SYNDIG1: variants seen among roughly 807,000 people sequenced by gnomAD.
The protein encoded by SYNDIG1 is synapse differentiation-inducing gene protein 1.
In SYNDIG1, 9 loss-of-function variants were observed where a neutral mutation model predicts 19.4. That is an observed-to-expected ratio of 0.46 (90% CI 0.28 to 0.81). The LOEUF is 0.81. Ranked by LOEUF, SYNDIG1 falls within the 30% of genes least tolerant of loss-of-function variation. The pLI is 0.12. For missense variants in SYNDIG1, 311 were observed against 343.3 expected (o/e 0.91, Z 0.74); for synonymous variants, 141 against 145.9 (o/e 0.97, Z 0.24).
intron 3 of SYNDIG1, among the ~76,000 whole-genome samples, chr20:24,586,384 C>T (rs1446757393): frequency 2.0e-5 from 3 of 152,192 alleles, no homozygotes; most frequent in Non-Finnish European, 1.5e-5. Flanking sequence ...GGTGGGAAGC[C>T]TGACTCCTGG....
At position 24,551,006 on chromosome 20, in the gene SYNDIG1, A is replaced by G. The variant is rs73902586; in HGVS notation, c.480+7429A>G. 3.2e-3 allele frequency among the ~76,000 whole-genome samples: 494 copies of G among 152,280 alleles called. 4 individuals are homozygous for G. Among genetic ancestry groups the G allele is most frequent in the African/African-American group, 0.011 (467 of 41,560 alleles). On this transcript the variant is annotated intron_variant, in intron 2 of 3. Coordinates refer to ENST00000376862, the MANE Select transcript of SYNDIG1 (RefSeq NM_024893.3). ...CCATCTTTTCTGGGCTCTAGTATGAAGGTAATATTGGCTGCATAGAATAAG... is the reference window on the plus strand; with the variant it reads ...CCATCTTTTCTGGGCTCTAGTATGAGGGTAATATTGGCTGCATAGAATAAG...
Position 24,658,707 on chromosome 20 carries a change from CA to C in SYNDIG1, c.619-6636del, listed in dbSNP as rs1322707377. ...TTTCCCAGGGGCCTGGGAAAGCCCACAAAGTGCACAGCCCGGCAACGCCCAG... is the reference window on the plus strand; with the variant it reads ...TTTCCCAGGGGCCTGGGAAAGCCCACAAGTGCACAGCCCGGCAACGCCCAG... On this transcript the variant is annotated intron_variant, in intron 3 of 3. Coordinates refer to ENST00000376862, the MANE Select transcript of SYNDIG1 (RefSeq NM_024893.3). This position sits in a 1 kb window ranked among gnomAD's most constrained non-coding sequence, Gnocchi z 4.4. Among the ~76,000 whole-genome samples, 1 of 151,724 alleles carries C rather than the reference CA, an allele frequency of 6.6e-6. No individual in the cohort carries two copies. Among genetic ancestry groups the C allele is most frequent in the Non-Finnish European group, 1.5e-5 (1 of 67,928 alleles).
chr20:24,479,167 G>A (rs2055721169), intron 1 of SYNDIG1, among the ~76,000 whole-genome samples: 1 of 152,192 alleles, frequency 6.6e-6, no homozygotes, highest in Non-Finnish European at 1.5e-5. Context: ...GATGCAAATT[G>A]CTTCTTGGGG....
intron 2 of SYNDIG1, among the ~76,000 whole-genome samples, chr20:24,553,977 T>G (rs4815275): frequency 0.52 from 78,433 of 152,008 alleles, 20,400 homozygotes; most frequent in East Asian, 0.61. Context: ...TATCCTCTTT[T>G]ATTTCATTGA....
chr20:24,547,447 T>A (rs1479343670), intron 2 of SYNDIG1, among the ~76,000 whole-genome samples: 1 of 152,198 alleles, frequency 6.6e-6, no homozygotes, highest in Non-Finnish European at 1.5e-5. Context: ...TTATGATCTG[T>A]CCTGCTCCAC....
chr20:24,644,987 C>G (rs1407221851), intron 3 of SYNDIG1, among the ~76,000 whole-genome samples: 1 of 152,216 alleles, frequency 6.6e-6, no homozygotes, highest in East Asian at 1.9e-4. Context: ...GAGAAGGAAA[C>G]TTGTAGAAAG....
chr20:24,637,781 G>A (rs1195012769), intron 3 of SYNDIG1, among the ~76,000 whole-genome samples: 1 of 152,238 alleles, frequency 6.6e-6, no homozygotes, highest in Non-Finnish European at 1.5e-5. Flanking sequence ...GCAGGGCAGA[G>A]GCAGTGGGCT....
At position 24,492,065 on chromosome 20, in the gene SYNDIG1, C is replaced by T. The variant is rs181305126; in HGVS notation, c.-79+22312C>T. On this transcript the variant is annotated intron_variant, in intron 1 of 3. Transcript: ENST00000376862. Reference sequence around the variant, plus strand: ...CTGAGAGGACCCCACTAACAGGTGACCCAGGCAAGAGGCCCCCGGCCGGCT... The same window carrying T: ...CTGAGAGGACCCCACTAACAGGTGATCCAGGCAAGAGGCCCCCGGCCGGCT... Among the ~76,000 whole-genome samples the T allele has an allele frequency of 4.1e-3, 622 of 152,330 alleles. 5 individuals are homozygous for T. The highest frequency in any genetic ancestry group is 0.014 in the African/African-American group (585 of 41,582).
At chr20:24,605,177 G>A (rs1485700020) in intron 3 of SYNDIG1, among the ~76,000 whole-genome samples, 1 of 152,160 alleles carries the variant, frequency 6.6e-6, no homozygotes, top group Non-Finnish European at 1.5e-5. Context: ...GCTACCCAGG[G>A]ACAGATGGGT....
chr20:24,570,372 C>T (rs971130384), intron 2 of SYNDIG1, among the ~76,000 whole-genome samples: 2 of 152,166 alleles, frequency 1.3e-5, no homozygotes, highest in Admixed American at 6.5e-5. Context: ...ACAAGCTACA[C>T]AATGGGAGAA....
At chr20:24,588,292 T>C (rs1475448252) in intron 3 of SYNDIG1, among the ~76,000 whole-genome samples, 1 of 152,216 alleles carries the variant, frequency 6.6e-6, no homozygotes, top group Non-Finnish European at 1.5e-5. Context: ...AAGGAACACC[T>C]GGAAAGACAC....
chr20:24,630,724 T>G (rs2059227523), intron 3 of SYNDIG1, among the ~76,000 whole-genome samples: 1 of 152,182 alleles, frequency 6.6e-6, no homozygotes, highest in Non-Finnish European at 1.5e-5. Flanking sequence ...TTGTCAGACC[T>G]TCGTCCACTG....
At chr20:24,541,615 C>T (rs6049769) in intron 1 of SYNDIG1, among the ~76,000 whole-genome samples, 14,390 of 152,160 alleles carry the variant, frequency 0.095, 831 homozygotes, top group African/African-American at 0.14. Flanking sequence ...GATGATGACA[C>T]GGGGAACTCA....
chr20:24,629,911 T>A (rs917009569), intron 3 of SYNDIG1, among the ~76,000 whole-genome samples: 3 of 152,192 alleles, frequency 2.0e-5, no homozygotes, highest in African/African-American at 7.2e-5. Context: ...CATGTGTCTC[T>A]GCCTCCTGCT....
chr20:24,656,312 T>A (rs531144461), intron 3 of SYNDIG1, among the ~76,000 whole-genome samples: 6 of 152,322 alleles, frequency 3.9e-5, no homozygotes, highest in African/African-American at 1.2e-4. Context: ...GCTATTTGGA[T>A]CTGACGAATA....
chr20:24,511,213 C>A (rs1044768708), intron 1 of SYNDIG1, among the ~76,000 whole-genome samples: 1 of 152,184 alleles, frequency 6.6e-6, no homozygotes, highest in African/African-American at 2.4e-5. Context: ...AACCTTTCTC[C>A]ATGACACTTT....
intron 2 of SYNDIG1, among the ~76,000 whole-genome samples, chr20:24,546,120 A>G (rs1399052213): frequency 6.6e-6 from 1 of 152,150 alleles, no homozygotes; most frequent in Non-Finnish European, 1.5e-5. Flanking sequence ...CACGGTGGTT[A>G]ACTTCGTCCT....
At chr20:24,623,990 C>T (rs145095838) in intron 3 of SYNDIG1, among the ~76,000 whole-genome samples, 7 of 152,032 alleles carry the variant, frequency 4.6e-5, no homozygotes, top group African/African-American at 1.4e-4. Context: ...TGGCTGGGTG[C>T]GGTGGCTCAC....
At chr20:24,587,554 C>T (rs896356682) in intron 3 of SYNDIG1, among the ~76,000 whole-genome samples, 2 of 152,244 alleles carry the variant, frequency 1.3e-5, no homozygotes, top group Admixed American at 6.5e-5. Context: ...GTGGGGAAGC[C>T]GGCAGCTGCC....
Sources: allele counts gnomAD v4.1 joint callset (sites outside exome capture counted in the v4.1 genomes callset), GRCh38; gene constraint gnomAD v4.1.1; non-coding constraint Gnocchi (gnomAD v3.1); transcripts MANE v1.5; gene names NCBI Gene and HGNC (gene_info 2026-07-23, HGNC 2026-07-21).